VRK2: variants seen among roughly 807,000 people sequenced by gnomAD.
The protein encoded by VRK2 is VRK serine/threonine kinase 2, also known as serine/threonine-protein kinase VRK2.
Under a neutral mutation model 57.6 loss-of-function variants are expected in VRK2, and 60 were observed. The observed-to-expected ratio is 1.04, with a 90% CI of 0.85 to 1.29. VRK2 has a LOEUF of 1.29. Ranked by LOEUF, VRK2 falls within the 50% of genes most tolerant of loss-of-function variation. VRK2 has a pLI of 0.00. For synonymous variants in VRK2, 231 were observed against 199.2 expected (o/e 1.16, Z -1.35); for missense variants, 705 against 588.1 (o/e 1.20, Z -2.06).
intron 7 of VRK2, among the ~76,000 whole-genome samples, chr2:58,091,876 T>C (rs1672434765): frequency 6.6e-6 from 1 of 152,078 alleles, no homozygotes; most frequent in Non-Finnish European, 1.5e-5. Flanking sequence ...CTTATCAAAT[T>C]GGAGAGGTCT....
At position 58,127,048 on chromosome 2, in the gene VRK2, A is replaced by G. The variant is rs761974177; in HGVS notation, c.676+3815A>G. Among the ~76,000 whole-genome samples, 5 of 152,230 alleles carry G rather than the reference A, an allele frequency of 3.3e-5. No homozygotes were observed. In the South Asian group the frequency reaches 8.3e-4, roughly 25 times the overall value. On this transcript the variant is annotated intron_variant, in intron 8 of 12. Transcript: ENST00000340157. ...TCTGTAATACCTATCTTAATTTGAC[A>G]TCTTTGATGACCATAAAATATGATA...
intron 1 of VRK2, among the ~76,000 whole-genome samples, chr2:58,005,521 A>T (rs901319819): frequency 4.6e-5 from 7 of 152,106 alleles, no homozygotes; most frequent in Non-Finnish European, 1.0e-4. Flanking sequence ...TTAAAAGACA[A>T]TGGGTAAAGT....
chr2:57,958,409 A>G (rs1026817001), intron 1 of VRK2, among the ~76,000 whole-genome samples: 8 of 148,558 alleles, frequency 5.4e-5, no homozygotes, highest in Non-Finnish European at 9.0e-5. Flanking sequence ...ATATGTGTGT[A>G]TGTGTGTGTG....
intron 1 of VRK2, among the ~76,000 whole-genome samples, chr2:57,950,703 G>C (rs1671400237): frequency 6.6e-6 from 1 of 152,128 alleles, no homozygotes; most frequent in African/African-American, 2.4e-5. Flanking sequence ...ATTTTGTAAG[G>C]CTACAGCTGT....
At chr2:58,045,590 G>C (rs1674680712), upstream of VRK2, among the ~76,000 whole-genome samples, 1 of 152,166 alleles carries the variant, frequency 6.6e-6, no homozygotes, top group African/African-American at 2.4e-5. Context: ...TCTATGGACT[G>C]TTTCTTTAAA....
intron 1 of VRK2, among the ~76,000 whole-genome samples, chr2:57,965,705 C>T (rs996939264): frequency 6.6e-6 from 1 of 152,122 alleles, no homozygotes; most frequent in Admixed American, 6.5e-5. Context: ...CTAACTTCAT[C>T]CATGAGAGGC....
At position 58,046,825 on chromosome 2, in the gene VRK2, G is replaced by A. The variant is rs1674812496; in HGVS notation, c.-49G>A. 3.0e-6 allele frequency: 3 copies of A among 985,630 alleles called. No homozygotes were observed. The highest frequency in any genetic ancestry group is 9.4e-5 in the South Asian group (2 of 21,300). The allele number at this position is 985,630 out of a possible 1,614,324, so 61.1% of individuals were successfully genotyped here. ...CTCCGCCTCGTCGCAGCGGCAGGTA[G>A]GAGGCGGTGCGCGCGGCCCGGCGAC... On this transcript the variant is annotated 5_prime_UTR_variant, in exon 1 of 13. Coordinates refer to ENST00000340157, the MANE Select transcript of VRK2 (RefSeq NM_006296.7).
intron 2 of VRK2, among the ~76,000 whole-genome samples, chr2:58,049,370 T>C (rs1675365232): frequency 6.6e-6 from 1 of 152,214 alleles, no homozygotes; most frequent in Non-Finnish European, 1.5e-5. Context: ...CATTTCTTAA[T>C]TGGGCTCTAC....
In VRK2 at chr2:58,120,180, T is replaced by TTTTC. The variant is rs1558661156; in HGVS notation, c.544-2917_544-2914dup. ...TTAGCTTTTTGTCTATTTTTTTTTC[T>TTTTC]TTTCTTTTTTTTTTTTTTTTTTTTT... On this transcript the variant is annotated intron_variant, in intron 7 of 12. Coordinates refer to ENST00000340157, the MANE Select transcript of VRK2 (RefSeq NM_006296.7). Among the ~76,000 whole-genome samples the TTTTC allele has an allele frequency of 9.3e-4, 118 of 127,334 alleles. 1 individual carries two copies. The highest frequency in any genetic ancestry group is 4.3e-3 in the African/African-American group (112 of 26,014). The allele number at this position is 127,334 out of a possible 152,430, so 83.5% of individuals were successfully genotyped here. A position where few individuals can be genotyped will look rare whatever the true frequency, so the allele number is the denominator to read the frequency against.
intron 7 of VRK2, among the ~76,000 whole-genome samples, chr2:58,094,637 A>G (rs1303064417): frequency 1.3e-5 from 2 of 152,138 alleles, no homozygotes; most frequent in Non-Finnish European, 2.9e-5. Context: ...TTCCTAATTG[A>G]GTACCCTTTA....
chr2:58,137,132 T>TGATA, intron 10 of VRK2, among the ~76,000 whole-genome samples: 1 of 38,002 alleles, frequency 2.6e-5, no homozygotes, highest in Non-Finnish European at 5.7e-5. Context: ...TGTGTATATA[T>TGATA]CATATATCAT....
chr2:57,988,850 A>C (rs540201251), intron 1 of VRK2, among the ~76,000 whole-genome samples: 3 of 152,172 alleles, frequency 2.0e-5, no homozygotes, highest in African/African-American at 4.8e-5. Context: ...TAATTCCCAT[A>C]ATAAGCCTCT....
Position 58,118,424 on chromosome 2 carries a change from A to G in VRK2, c.544-4677A>G, listed in dbSNP as rs564909074. ...GATAAAACGTGTCTCCTTTGTCTCT[A>G]CCAGAAAATGAAAGGAATTGAAATT... On this transcript the variant is annotated intron_variant, in intron 7 of 12. Coordinates refer to ENST00000340157, the MANE Select transcript of VRK2 (RefSeq NM_006296.7). Among the ~76,000 whole-genome samples the G allele has an allele frequency of 5.3e-5, 8 of 152,270 alleles. No homozygotes were observed. In the South Asian group the frequency reaches 1.7e-3, roughly 32 times the overall value.
At chr2:58,018,162 T>A (rs958781677) in intron 1 of VRK2, 1 of 152,140 alleles carries the variant, frequency 6.6e-6, no homozygotes, top group African/African-American at 2.4e-5. Flanking sequence ...CTGGCTAATT[T>A]TTGTATTTTT....
At chr2:57,930,664 C>T (rs939907282) in intron 1 of VRK2, among the ~76,000 whole-genome samples, 2 of 152,226 alleles carry the variant, frequency 1.3e-5, no homozygotes, top group African/African-American at 2.4e-5. Context: ...CTACAGTCAC[C>T]ATGCTGTACA....
chr2:57,941,534 C>T (rs1671093588), intron 1 of VRK2, among the ~76,000 whole-genome samples: 2 of 152,176 alleles, frequency 1.3e-5, no homozygotes, highest in South Asian at 4.1e-4. Flanking sequence ...ACCTTTCTGA[C>T]ACCTTTTCTA....
At chr2:57,923,462 G>C (rs779757483) in intron 1 of VRK2, among the ~76,000 whole-genome samples, 2 of 150,816 alleles carry the variant, frequency 1.3e-5, no homozygotes, top group Non-Finnish European at 3.0e-5. Context: ...GCTTTGATTT[G>C]CATTTTCCTG....
intron 8 of VRK2, among the ~76,000 whole-genome samples, chr2:58,127,467 G>T (rs1477767920): frequency 6.6e-6 from 1 of 152,066 alleles, no homozygotes; most frequent in East Asian, 1.9e-4. Flanking sequence ...AGAGGCCTGG[G>T]TTTAATATTT....
At chr2:58,039,518 T>C (rs1674378892) in intron 3 of VRK2, among the ~76,000 whole-genome samples, 1 of 152,150 alleles carries the variant, frequency 6.6e-6, no homozygotes, top group African/African-American at 2.4e-5. Flanking sequence ...TATTTCAATA[T>C]GAATTTCCTG....
Sources: allele counts gnomAD v4.1 joint callset (sites outside exome capture counted in the v4.1 genomes callset), GRCh38; gene constraint gnomAD v4.1.1; transcripts MANE v1.5; gene names NCBI Gene and HGNC (gene_info 2026-07-23, HGNC 2026-07-21).